The following PCDH15 variants were observed in gnomAD, a reference collection of about 807,000 sequenced individuals.
The protein encoded by PCDH15 is protocadherin related 15.
Under a neutral mutation model 178.5 loss-of-function variants are expected in PCDH15, and 129 were observed. That is an observed-to-expected ratio of 0.72 (90% CI 0.63 to 0.84). The LOEUF (loss-of-function observed/expected upper bound fraction) is 0.84, where lower values mean the gene tolerates loss of function less well. Among genes scored for constraint, PCDH15 ranks in the 40% least tolerant of loss-of-function variants. The pLI is 0.00. For missense variants in PCDH15, 2,230 were observed against 2,099.9 expected (o/e 1.06, Z -1.21); for synonymous variants, 800 against 732.0 (o/e 1.09, Z -1.50).
intron 3 of PCDH15, among the ~76,000 whole-genome samples, chr10:54,440,981 C>T (rs1399615427): frequency 1.3e-5 from 2 of 151,952 alleles, no homozygotes; most frequent in African/African-American, 2.4e-5. Flanking sequence ...GAAGCCCTCT[C>T]GCTTTAGTAG....
At chr10:55,339,709 T>C (rs943941191) in intron 2 of PCDH15, among the ~76,000 whole-genome samples, 1 of 152,050 alleles carries the variant, frequency 6.6e-6, no homozygotes, top group Non-Finnish European at 1.5e-5. Context: ...CAGTCCAGAC[T>C]ATAAAATAGC....
chr10:54,276,372 G>A (rs568436048), intron 8 of PCDH15, among the ~76,000 whole-genome samples: 1 of 151,694 alleles, frequency 6.6e-6, no homozygotes, highest in East Asian at 1.9e-4. Flanking sequence ...AAATCCAACT[G>A]AATACTAAAT....
chr10:54,716,309 C>T (rs979695134), intron 1 of PCDH15, among the ~76,000 whole-genome samples: 7 of 152,118 alleles, frequency 4.6e-5, no homozygotes, highest in African/African-American at 1.7e-4. Flanking sequence ...ACAGGTGGCT[C>T]ATACCCATAA....
intron 2 of PCDH15, among the ~76,000 whole-genome samples, chr10:55,074,525 C>T (rs924952180): frequency 2.0e-5 from 3 of 152,058 alleles, no homozygotes; most frequent in African/African-American, 7.2e-5. Flanking sequence ...TGAGAAGTGT[C>T]TGTTCATGTC....
chr10:53,996,407 A>G (rs1326189022), intron 20 of PCDH15, among the ~76,000 whole-genome samples: 1 of 152,174 alleles, frequency 6.6e-6, no homozygotes, highest in Admixed American at 6.5e-5. Flanking sequence ...TTGGCGCTAT[A>G]TATGCATTGT....
intron 2 of PCDH15, among the ~76,000 whole-genome samples, chr10:55,014,292 A>G (rs555423896): frequency 6.6e-6 from 1 of 152,232 alleles, no homozygotes; most frequent in African/African-American, 2.4e-5. Context: ...TATTATAAGG[A>G]AAAAATTAGG....
chr10:54,746,842 G>T (rs1945527934), intron 1 of PCDH15, among the ~76,000 whole-genome samples: 1 of 152,030 alleles, frequency 6.6e-6, no homozygotes. Flanking sequence ...CGGACACCAC[G>T]TACAAGTTTC....
chr10:54,853,312 T>TATAC (rs1554806791), intron 3 of PCDH15, among the ~76,000 whole-genome samples: 3 of 128,332 alleles, frequency 2.3e-5, no homozygotes, highest in Non-Finnish European at 4.8e-5. Flanking sequence ...TATATATATA[T>TATAC]ATATATACAT....
intron 1 of PCDH15, among the ~76,000 whole-genome samples, chr10:55,294,798 C>A (rs1371545138): frequency 6.6e-6 from 1 of 152,124 alleles, no homozygotes; most frequent in South Asian, 2.1e-4. Flanking sequence ...AAGGTTACTG[C>A]ATTTCATATT....
intron 7 of PCDH15, among the ~76,000 whole-genome samples, chr10:54,319,593 G>A (rs549142031): frequency 8.5e-5 from 13 of 152,114 alleles, no homozygotes; most frequent in South Asian, 2.1e-4. Flanking sequence ...GGATAGAGGC[G>A]GTGGTTGCAC....
intron 3 of PCDH15, among the ~76,000 whole-genome samples, chr10:54,813,224 A>C (rs1952893880): frequency 6.6e-6 from 1 of 152,078 alleles, no homozygotes; most frequent in Non-Finnish European, 1.5e-5. Context: ...TTCTCAATAC[A>C]TTCAACCTTG....
At chr10:54,142,362 C>A (rs2043490993) in intron 14 of PCDH15, among the ~76,000 whole-genome samples, 1 of 152,114 alleles carries the variant, frequency 6.6e-6, no homozygotes, top group Non-Finnish European at 1.5e-5. Flanking sequence ...CCAGTCAAAG[C>A]CTCATCTTCA....
At chr10:53,807,553 T>TA (rs943177345) in intron 37 of PCDH15, among the ~76,000 whole-genome samples, 11 of 152,270 alleles carry the variant, frequency 7.2e-5, no homozygotes, top group African/African-American at 2.4e-4. Context: ...TCCCAATATT[T>TA]AAAAAATATT....
At chr10:54,803,358 T>C (rs1322373294), upstream of PCDH15, among the ~76,000 whole-genome samples, 1 of 152,202 alleles carries the variant, frequency 6.6e-6, no homozygotes, top group Non-Finnish European at 1.5e-5. Context: ...AATATATTTG[T>C]AGAATCCTGG....
chr10:54,513,405 T>C (rs2081907055), intron 3 of PCDH15, among the ~76,000 whole-genome samples: 1 of 151,922 alleles, frequency 6.6e-6, no homozygotes, highest in East Asian at 1.9e-4. Context: ...AGATTACAGG[T>C]GCACGCCCCC....
intron 3 of PCDH15, among the ~76,000 whole-genome samples, chr10:54,849,298 G>A (rs1361498718): frequency 6.6e-6 from 1 of 152,120 alleles, no homozygotes; most frequent in Non-Finnish European, 1.5e-5. Flanking sequence ...ACTGAGCCCT[G>A]GGATCTGAGC....
chr10:54,274,616 T>TTGTGTGTGTGTG (rs3069673), intron 8 of PCDH15, among the ~76,000 whole-genome samples: 15 of 144,660 alleles, frequency 1.0e-4, no homozygotes, highest in African/African-American at 3.0e-4. Context: ...CTCAGTTTAA[T>TTGTGTGTGTGTG]TGTGTGTGTG....
intron 2 of PCDH15, among the ~76,000 whole-genome samples, chr10:55,153,997 T>C (rs1838809845): frequency 1.3e-5 from 2 of 152,182 alleles, no homozygotes; most frequent in South Asian, 4.1e-4. Flanking sequence ...TCACTAAATC[T>C]ATATCTAAAT....
chr10:54,579,411 C>T (rs541335343), intron 2 of PCDH15, among the ~76,000 whole-genome samples: 72 of 152,186 alleles, frequency 4.7e-4, no homozygotes, highest in African/African-American at 1.3e-3. Context: ...TAAATAATGA[C>T]AAAGGGTTCA....
Sources: gnomAD v4.1 joint callset for allele counts (sites outside exome capture counted in the v4.1 genomes callset) on GRCh38, gnomAD v4.1.1 for gene constraint, MANE v1.5 for transcripts, NCBI Gene and HGNC (gene_info 2026-07-23, HGNC 2026-07-21) for gene names.